The following USH2A variants were observed in gnomAD, a reference collection of about 807,000 sequenced individuals.
USH2A encodes Usher syndrome 2A (autosomal recessive, mild).
In USH2A, 443 loss-of-function variants were observed where a neutral mutation model predicts 538.9. The observed-to-expected ratio is 0.82, with a 90% confidence interval of 0.76 to 0.89. USH2A has a LOEUF of 0.89. USH2A is among the 40% of genes least tolerant of loss of function. The pLI, the probability that USH2A is intolerant of heterozygous loss-of-function variation, is 0.00. For missense variants in USH2A, 6,633 were observed against 6,324.8 expected (o/e 1.05, Z -1.65); for synonymous variants, 2,413 against 2,273.5 (o/e 1.06, Z -1.75).
At chr1:216,009,557 C>T (rs535403707) in intron 32 of USH2A, among the ~76,000 whole-genome samples, 130 of 152,224 alleles carry the variant, frequency 8.5e-4, no homozygotes, top group Admixed American at 1.6e-3. Flanking sequence ...CAGTGCAACT[C>T]GTCCCAAATC....
At chr1:216,359,339 A>G (rs1026130104) in intron 4 of USH2A, among the ~76,000 whole-genome samples, 5 of 152,262 alleles carry the variant, frequency 3.3e-5, no homozygotes, top group Admixed American at 2.6e-4. Flanking sequence ...CACATTTACT[A>G]TACAACAAGC....
At chr1:216,115,644 C>G (rs1220463499) in intron 21 of USH2A, among the ~76,000 whole-genome samples, 1 of 151,886 alleles carries the variant, frequency 6.6e-6, no homozygotes, top group Non-Finnish European at 1.5e-5. Flanking sequence ...TTCATCCTCC[C>G]TTTATACGTA....
At chr1:216,386,365 C>T (rs1413259236) in intron 3 of USH2A, among the ~76,000 whole-genome samples, 1 of 150,278 alleles carries the variant, frequency 6.7e-6, no homozygotes, top group African/African-American at 2.4e-5. Context: ...GTCGTGGTGG[C>T]GGGCGCCTGT....
intron 9 of USH2A, among the ~76,000 whole-genome samples, chr1:216,298,065 T>A (rs576116568): frequency 1.3e-5 from 2 of 152,342 alleles, no homozygotes; most frequent in East Asian, 3.9e-4. Flanking sequence ...AAAATTTTGC[T>A]GTAACACAAT....
chr1:215,783,507 C>T (rs1661706830), intron 52 of USH2A, among the ~76,000 whole-genome samples: 1 of 152,100 alleles, frequency 6.6e-6, no homozygotes, highest in Admixed American at 6.5e-5. Context: ...GAACTGAAAA[C>T]CAAAATACAA....
chr1:215,716,690 C>G (rs1659498497), intron 61 of USH2A, among the ~76,000 whole-genome samples: 1 of 152,162 alleles, frequency 6.6e-6, no homozygotes. Context: ...GATTAAAATT[C>G]TCTGATTTTG....
chr1:216,089,190 T>C (rs539151836), intron 22 of USH2A, 51 bp from the exon 23 acceptor site: 2 of 1,567,394 alleles, frequency 1.3e-6, no homozygotes, highest in African/African-American at 1.4e-5. Flanking sequence ...TATCTACAAA[T>C]AAACACACAC....
At chr1:216,419,697 C>T (rs1307293256) in intron 2 of USH2A, among the ~76,000 whole-genome samples, 8 of 152,156 alleles carry the variant, frequency 5.3e-5, no homozygotes, top group African/African-American at 1.7e-4. Context: ...ACAGTAGTCT[C>T]TCAAAAAATG....
intron 19 of USH2A, among the ~76,000 whole-genome samples, chr1:216,193,721 T>C (rs968886295): frequency 2.0e-5 from 3 of 152,012 alleles, no homozygotes; most frequent in African/African-American, 7.2e-5. Flanking sequence ...AGAGTTATGT[T>C]GCCACAAGCC....
At chr1:215,972,369 C>T (rs1667515945) in intron 35 of USH2A, among the ~76,000 whole-genome samples, 1 of 152,250 alleles carries the variant, frequency 6.6e-6, no homozygotes, top group South Asian at 2.1e-4. Context: ...GGCATTTCAG[C>T]TCTGGTTGGG....
chr1:215,740,195 C>T (rs74226911), intron 60 of USH2A, among the ~76,000 whole-genome samples: 5,217 of 152,180 alleles, frequency 0.034, 447 homozygotes, highest in East Asian at 0.28. Flanking sequence ...CTCCATCTCT[C>T]CCTCATTCTC....
chr1:216,270,147 C>G (rs1313650904), intron 11 of USH2A, among the ~76,000 whole-genome samples: 1 of 152,060 alleles, frequency 6.6e-6, no homozygotes, highest in Admixed American at 6.6e-5. Flanking sequence ...AGCAGTATAA[C>G]TATATGTCTT....
chr1:216,366,975 TACA>T (rs1271162508), intron 3 of USH2A, among the ~76,000 whole-genome samples: 1 of 152,158 alleles, frequency 6.6e-6, no homozygotes. Context: ...TCTCATGTTT[TACA>T]ACATCTTTGC....
At chr1:215,732,544 C>CTTTTTTTTTTTTTTTTTTTTTTTTTTTT (rs141549439) in intron 60 of USH2A, among the ~76,000 whole-genome samples, 2 of 73,558 alleles carry the variant, frequency 2.7e-5, no homozygotes, top group African/African-American at 1.2e-4. Flanking sequence ...TTTTTTCTTT[C>CTTTTTTTTTTTTTTTTTTTTTTTTTTTT]TTTTTTTTTT....
chr1:215,804,993 A>T (rs1375285040), intron 49 of USH2A, among the ~76,000 whole-genome samples: 1 of 152,166 alleles, frequency 6.6e-6, no homozygotes, highest in African/African-American at 2.4e-5. Context: ...AGGGACATGG[A>T]TGAAGCTGGA....
In USH2A at chr1:215,789,012, G is replaced by C. The variant is rs189220758; in HGVS notation, c.10182+1047C>G. On this transcript the variant is annotated intron_variant, in intron 51 of 71. Coordinates refer to ENST00000307340, the MANE Select transcript of USH2A (RefSeq NM_206933.4). Reference sequence around the variant, plus strand: ...ATTCCTGAATTGATAGCTTAGGGAAGACCGAATGGGCCAGCTATGTAAAAA... The same window carrying C: ...ATTCCTGAATTGATAGCTTAGGGAACACCGAATGGGCCAGCTATGTAAAAA... Among the ~76,000 whole-genome samples, 403 of 152,246 alleles carry C rather than the reference G, an allele frequency of 2.6e-3. 1 individual carries two copies. The highest frequency in any genetic ancestry group is 4.7e-3 in the Non-Finnish European group (320 of 68,022).
At chr1:216,189,254 A>AT (rs1202215033) in intron 20 of USH2A, among the ~76,000 whole-genome samples, 1 of 151,944 alleles carries the variant, frequency 6.6e-6, no homozygotes, top group Non-Finnish European at 1.5e-5. Flanking sequence ...GAGCTAAGCA[A>AT]TTTTTTCCAG....
At chr1:216,185,744 G>T (rs2034586416) in intron 20 of USH2A, among the ~76,000 whole-genome samples, 1 of 151,816 alleles carries the variant, frequency 6.6e-6, no homozygotes, top group Non-Finnish European at 1.5e-5. Context: ...CTAAAGAACT[G>T]GCTTTATTAT....
chr1:215,879,494 C>A (rs1352913696), intron 41 of USH2A, among the ~76,000 whole-genome samples: 1 of 152,170 alleles, frequency 6.6e-6, no homozygotes, highest in Admixed American at 6.5e-5. Flanking sequence ...AATGAAACAT[C>A]AGAACTCATT....
Sources: gnomAD v4.1 joint callset for allele counts (sites outside exome capture counted in the v4.1 genomes callset) on GRCh38, gnomAD v4.1.1 for gene constraint, MANE v1.5 for transcripts, NCBI Gene and HGNC (gene_info 2026-07-23, HGNC 2026-07-21) for gene names.